Variants in KCNMA1 observed in about 807,000 individuals in gnomAD.
KCNMA1 encodes potassium calcium-activated channel subfamily M alpha 1.
Under a neutral mutation model 140.0 loss-of-function variants are expected in KCNMA1, and 29 were observed. The observed-to-expected ratio is 0.21, with a 90% CI of 0.15 to 0.28. The LOEUF is 0.28. KCNMA1 is among the 10% of genes least tolerant of loss of function. The pLI, the probability that KCNMA1 is intolerant of heterozygous loss-of-function variation, is 1.00. For missense variants in KCNMA1, 880 were observed against 1,602.2 expected (o/e 0.55, Z 7.70); for synonymous variants, 612 against 611.9 (o/e 1.00, Z 0.00).
chr10:76,942,053 C>A (rs751483920), intron 23 of KCNMA1, among the ~76,000 whole-genome samples: 2 of 152,194 alleles, frequency 1.3e-5, no homozygotes, highest in Non-Finnish European at 2.9e-5. Context: ...CTCACTGTAA[C>A]CTCCACCTCC....
At chr10:77,275,692 ACAT>A (rs1159530336) in intron 2 of KCNMA1, among the ~76,000 whole-genome samples, 1 of 152,180 alleles carries the variant, frequency 6.6e-6, no homozygotes, top group Non-Finnish European at 1.5e-5. Context: ...AAACACATGC[ACAT>A]CATCCACTCC....
At chr10:77,315,675 T>C (rs1161369700) in intron 2 of KCNMA1, 1 of 152,186 alleles carries the variant, frequency 6.6e-6, no homozygotes, top group African/African-American at 2.4e-5. Context: ...AATAATAAAG[T>C]CTTCATCAGG....
At chr10:76,920,016 G>GTATA (rs1377571381) in intron 23 of KCNMA1, among the ~76,000 whole-genome samples, 1,512 of 44,054 alleles carry the variant, frequency 0.034, 77 homozygotes, top group Admixed American at 0.1. Flanking sequence ...GTGTGTGTGT[G>GTATA]TGTGTATATA....
At chr10:77,179,914 C>T (rs1390243129) in intron 5 of KCNMA1, among the ~76,000 whole-genome samples, 1 of 152,160 alleles carries the variant, frequency 6.6e-6, no homozygotes, top group Non-Finnish European at 1.5e-5. Context: ...TATGAGTACA[C>T]CGTTACATGC....
Position 76,915,029 on chromosome 10 carries a change from C to T in KCNMA1, c.2923G>A (p.Asp975Asn). The stretch of plus-strand genomic sequence containing the variant: ...GGGCTGTTATCTGGAGAGGATCTAT[C>T]CATTCCTGGAGGTGTGAACCCTAGT... The part of the protein sequence containing the change: ...NSQGFTPPGM[D>N]RSSPDNSPVH... The change falls in exon 24 of 28, where the codon GAT becomes AAT. Residue 975 changes from aspartate to asparagine, a missense_variant. Asp to Asn is a conservative substitution (Grantham distance 23). Transcript: ENST00000286628. The T allele has an allele frequency of 6.2e-7, 1 of 1,613,160 alleles. No individual in the cohort carries two copies. Among genetic ancestry groups the T allele is most frequent in the South Asian group, 1.1e-5 (1 of 91,068 alleles).
At chr10:77,410,709 C>G (rs1350737647) in intron 1 of KCNMA1, among the ~76,000 whole-genome samples, 1 of 152,220 alleles carries the variant, frequency 6.6e-6, no homozygotes, top group Non-Finnish European at 1.5e-5. Flanking sequence ...TCACTAGCTC[C>G]ACTTCAGATG....
At chr10:77,271,127 T>C (rs1290189211) in intron 2 of KCNMA1, among the ~76,000 whole-genome samples, 1 of 152,262 alleles carries the variant, frequency 6.6e-6, no homozygotes, top group Non-Finnish European at 1.5e-5. Context: ...AACAAAGTAT[T>C]GTTTAACAGA....
chr10:76,880,283 T>C (rs781311830), downstream of KCNMA1, among the ~76,000 whole-genome samples: 3 of 152,040 alleles, frequency 2.0e-5, no homozygotes, highest in Admixed American at 2.0e-4. Flanking sequence ...CATTTAAACT[T>C]CTCTCTTTCC....
intron 5 of KCNMA1, among the ~76,000 whole-genome samples, chr10:77,128,008 TCCTAATTTGATAGACCCCAAA>T (rs1468877533): frequency 4.6e-5 from 7 of 151,724 alleles, no homozygotes; most frequent in Admixed American, 1.3e-4. Flanking sequence ...AAAAAAAAAA[TCCTAATTTGATAGACCCCAAA>T]TAAGAGCTCA....
intron 20 of KCNMA1, among the ~76,000 whole-genome samples, chr10:76,954,943 C>T (rs2067636148): frequency 6.6e-6 from 1 of 152,154 alleles, no homozygotes; most frequent in Non-Finnish European, 1.5e-5. Context: ...AGTCAATGTC[C>T]ATGCTTTTAT....
At chr10:77,191,542 G>A (rs1001729685) in intron 3 of KCNMA1, among the ~76,000 whole-genome samples, 6 of 152,014 alleles carry the variant, frequency 3.9e-5, no homozygotes, top group Admixed American at 6.6e-5. Flanking sequence ...TACACTGGAC[G>A]GGGCATGTGT....
intron 2 of KCNMA1, among the ~76,000 whole-genome samples, chr10:77,318,057 C>T (rs2081337206): frequency 6.6e-6 from 1 of 152,086 alleles, no homozygotes; most frequent in South Asian, 2.1e-4. Flanking sequence ...TTGTTTTGTA[C>T]CCAGAAAGTG....
chr10:77,233,922 C>T (rs779284549), intron 3 of KCNMA1, among the ~76,000 whole-genome samples: 2 of 152,076 alleles, frequency 1.3e-5, no homozygotes, highest in Non-Finnish European at 1.5e-5. Flanking sequence ...AAGTGGCACC[C>T]CGAACAGTGA....
intron 1 of KCNMA1, among the ~76,000 whole-genome samples, chr10:77,529,983 G>A (rs765956744): frequency 5.3e-5 from 8 of 152,174 alleles, no homozygotes; most frequent in African/African-American, 1.7e-4. Context: ...TTGAGACTCC[G>A]GGAGGTCAGG....
intron 21 of KCNMA1, among the ~76,000 whole-genome samples, chr10:76,953,421 T>G (rs986331815): frequency 6.6e-6 from 1 of 152,112 alleles, no homozygotes; most frequent in Non-Finnish European, 1.5e-5. Flanking sequence ...CTCATCTTTT[T>G]ACAGATAAGA....
chr10:77,507,147 A>C (rs1399636146), intron 1 of KCNMA1, among the ~76,000 whole-genome samples: 4 of 152,240 alleles, frequency 2.6e-5, no homozygotes, highest in African/African-American at 9.6e-5. Flanking sequence ...TAAATTTAAA[A>C]ACAAATGCTT....
intron 2 of KCNMA1, among the ~76,000 whole-genome samples, chr10:77,273,886 C>G (rs563547900): frequency 3.3e-5 from 5 of 152,130 alleles, no homozygotes; most frequent in Admixed American, 6.5e-5. Context: ...AGATGATATT[C>G]TAGTGGGGAA....
At chr10:77,472,154 ATAT>A (rs1175060415) in intron 1 of KCNMA1, among the ~76,000 whole-genome samples, 35 of 151,516 alleles carry the variant, frequency 2.3e-4, no homozygotes, top group African/African-American at 8.0e-4. Flanking sequence ...CATATCACAC[ATAT>A]ATTATATATT....
At chr10:77,228,820 A>G (rs1411635473) in intron 3 of KCNMA1, among the ~76,000 whole-genome samples, 1 of 152,198 alleles carries the variant, frequency 6.6e-6, no homozygotes, top group African/African-American at 2.4e-5. Flanking sequence ...GTCATGTGGC[A>G]TTGGTCCAAA....
Sources: gnomAD v4.1 joint callset for allele counts (sites outside exome capture counted in the v4.1 genomes callset) on GRCh38, gnomAD v4.1.1 for gene constraint, MANE v1.5 for transcripts, NCBI Gene and HGNC (gene_info 2026-07-23, HGNC 2026-07-21) for gene names.